The following SFSWAP variants were observed in gnomAD, a reference collection of about 807,000 sequenced individuals.
SFSWAP encodes splicing factor, suppressor of white-apricot homolog.
A neutral mutation model predicts 100.7 loss-of-function variants in SFSWAP; 17 were observed. The observed-to-expected ratio is 0.17, with a 90% CI of 0.12 to 0.25. The LOEUF is 0.25. Ranked by LOEUF, SFSWAP falls within the 10% of genes least tolerant of loss-of-function variation. The probability of loss-of-function intolerance (pLI) is 1.00; values close to 1 mark genes in which losing one functional copy is unlikely to be tolerated. For synonymous variants in SFSWAP, 504 were observed against 510.1 expected, an observed-to-expected ratio of 0.99 and a Z score of 0.16; for missense variants, 1,005 against 1,262.6, an observed-to-expected ratio of 0.80 and a Z score of 3.09.
chr12:131,755,513 C>T, intron 10 of SFSWAP, 34 bp downstream of exon 10: 1 of 1,486,328 alleles, frequency 6.7e-7, no homozygotes, highest in Non-Finnish European at 9.4e-7. Context: ...CTGTGAAGCT[C>T]TTAGAGGTGG....
chr12:131,744,907 C>A (rs1308438433), intron 7 of SFSWAP, among the ~76,000 whole-genome samples: 1 of 152,186 alleles, frequency 6.6e-6, no homozygotes, highest in African/African-American at 2.4e-5. Flanking sequence ...CAGAGAAGCT[C>A]CTGTTTTTGA....
At chr12:131,737,448 CGTG>C (rs1209616341) in intron 7 of SFSWAP, among the ~76,000 whole-genome samples, 1 of 152,192 alleles carries the variant, frequency 6.6e-6, no homozygotes, top group Non-Finnish European at 1.5e-5. Context: ...TGCAGATTGA[CGTG>C]GTACTTATTT....
chr12:131,794,847 T>G lies in SFSWAP; in HGVS notation c.2535-2331T>G, dbSNP rs1168682421. 6.6e-6 allele frequency among the ~76,000 whole-genome samples: 1 copy of G among 152,212 alleles called. No individual in the cohort carries two copies. The highest frequency in any genetic ancestry group is 1.5e-5 in the Non-Finnish European group (1 of 68,036). ...AAAAAAAAATGAATGAGTTGCTCCATTCCTTCAGCAAGGGCTTAGATCAGA... is the reference window on the plus strand; with the variant it reads ...AAAAAAAAATGAATGAGTTGCTCCAGTCCTTCAGCAAGGGCTTAGATCAGA... On this transcript the variant is annotated intron_variant, in intron 15 of 17. Coordinates refer to ENST00000261674, the MANE Select transcript of SFSWAP (RefSeq NM_004592.4). This position sits in a 1 kb window ranked among gnomAD's most constrained non-coding sequence, Gnocchi z 4.8.
chr12:131,771,896 C>G (rs1465783907), intron 13 of SFSWAP, among the ~76,000 whole-genome samples: 1 of 152,070 alleles, frequency 6.6e-6, no homozygotes, highest in African/African-American at 2.4e-5. Context: ...CTCTTGACCT[C>G]GTGATCAGCC....
At chr12:131,717,500 T>C (rs1461480291) in intron 3 of SFSWAP, among the ~76,000 whole-genome samples, 1 of 152,182 alleles carries the variant, frequency 6.6e-6, no homozygotes, top group Non-Finnish European at 1.5e-5. Flanking sequence ...GAGTTTGTAG[T>C]GCAATGGTTG....
Position 131,726,173 on chromosome 12 carries a change from T to TAC in SFSWAP, c.832+544_832+545insCA, listed in dbSNP as rs1299032287. 3.5e-5 allele frequency among the ~76,000 whole-genome samples: 5 copies of TAC among 144,862 alleles called. No individual in the cohort carries two copies. The East Asian group carries it at 1.1e-3, about 32-fold the overall frequency. The stretch of plus-strand genomic sequence containing the variant: ...AAGTCTATTCATATATATGTATATA[T>TAC]ATACACACACACACACATCTTCCAT... On this transcript the variant is annotated intron_variant, in intron 5 of 17. Coordinates refer to ENST00000261674, the MANE Select transcript of SFSWAP (RefSeq NM_004592.4).
chr12:131,777,519 G>T (rs572667049), intron 13 of SFSWAP, among the ~76,000 whole-genome samples: 1 of 152,100 alleles, frequency 6.6e-6, no homozygotes, highest in Non-Finnish European at 1.5e-5. Flanking sequence ...TATATGTGCC[G>T]CATTTTCTTA....
intron 10 of SFSWAP, 67 bp downstream of exon 10, chr12:131,755,546 C>T (rs1330212709): frequency 2.0e-5 from 23 of 1,147,996 alleles, no homozygotes; most frequent in African/African-American, 4.6e-5. Context: ...GATCAGAAGT[C>T]GCTTTCTGTT....
rs1054364004 is a variant in SFSWAP, at chr12:131,733,762, G to C, written c.1081+5334G>C. Among the ~76,000 whole-genome samples the C allele has an allele frequency of 1.6e-4, 24 of 152,092 alleles. No homozygotes were observed. Among genetic ancestry groups the C allele is most frequent in the Non-Finnish European group, 4.4e-5 (3 of 67,986 alleles). ...GCTTGGTGAGGTGGGGGACAGGCAG[G>C]GGTGGGCCCCGAGGTGTGCAGAGTG... is the stretch of plus-strand genomic sequence containing the variant. On this transcript the variant is annotated intron_variant, in intron 7 of 17. Transcript: ENST00000261674. This position sits in a 1 kb window ranked among gnomAD's most constrained non-coding sequence, Gnocchi z 5.1.
At chr12:131,769,665 C>T (rs768884613) in intron 13 of SFSWAP, among the ~76,000 whole-genome samples, 9 of 152,084 alleles carry the variant, frequency 5.9e-5, no homozygotes, top group African/African-American at 1.7e-4. Flanking sequence ...CTTGCTCTCT[C>T]GCCCAGGCTG....
rs545101856 is a variant in SFSWAP at position 131,795,929 on chromosome 12, T to C, written c.2535-1249T>C. Among the ~76,000 whole-genome samples the C allele has an allele frequency of 1.4e-3, 194 of 141,604 alleles. 1 individual carries two copies. Among genetic ancestry groups the C allele is most frequent in the South Asian group, 9.4e-3 (39 of 4,146 alleles). 92.9% of individuals were successfully genotyped at this position (141,604 alleles called of 152,430 possible). On this transcript the variant is annotated intron_variant, in intron 15 of 17. Coordinates refer to ENST00000261674, the MANE Select transcript of SFSWAP (RefSeq NM_004592.4). ...GCAGAGGGCCCCGCAGCCCTACTCC[T>C]GGGATCTGTCCTGCCCAGGCACCAG...
intron 4 of SFSWAP, among the ~76,000 whole-genome samples, chr12:131,721,934 A>T (rs1385805199): frequency 6.6e-6 from 1 of 152,174 alleles, no homozygotes; most frequent in Non-Finnish European, 1.5e-5. Context: ...TTTCATTCTC[A>T]TAATTATTAT....
chr12:131,751,618 CGTT>C (rs1260208688), intron 7 of SFSWAP, among the ~76,000 whole-genome samples: 1 of 152,272 alleles, frequency 6.6e-6, no homozygotes, highest in Non-Finnish European at 1.5e-5. Context: ...CCAGGGATGA[CGTT>C]GTCTCTTACA....
Position 131,726,952 on chromosome 12 carries a change from G to T in SFSWAP, c.845G>T (p.Ser282Ile). ...ATTTTGATTTCAGAATCAGGAGTCA[G>T]CTCTGACAATGAAGATGATGATGAT... ...KSDEKKKSGV[S>I]SDNEDDDDEE... The change falls in exon 6 of 18, where the codon AGC (serine) becomes ATC (isoleucine). Residue 282 changes from serine to isoleucine, a missense_variant. Coordinates refer to ENST00000261674, the MANE Select transcript of SFSWAP (RefSeq NM_004592.4). 6.3e-7 allele frequency: 1 copy of T among 1,591,518 alleles called. No individual in the cohort carries two copies. The highest frequency in any genetic ancestry group is 8.6e-7 in the Non-Finnish European group (1 of 1,162,660).
At chr12:131,787,833 T>C (rs1320523804) in intron 15 of SFSWAP, among the ~76,000 whole-genome samples, 1 of 152,104 alleles carries the variant, frequency 6.6e-6, no homozygotes, top group African/African-American at 2.4e-5. Flanking sequence ...GTTGGCCTAG[T>C]ACCACGGTTC....
chr12:131,758,474 T>C (rs1882380422), intron 11 of SFSWAP, among the ~76,000 whole-genome samples: 1 of 152,090 alleles, frequency 6.6e-6, no homozygotes, highest in African/African-American at 2.4e-5. Context: ...AGAAATGTCA[T>C]TGCGCCCACA....
rs1877277396 is a variant in SFSWAP, at chr12:131,711,134, A to T, written c.-96A>T. The T allele has an allele frequency of 2.0e-6, 2 of 1,009,946 alleles. No individual in the cohort carries two copies. The highest frequency in any genetic ancestry group is 2.8e-6 in the Non-Finnish European group (2 of 708,390). The allele number at this position is 1,009,946 out of a possible 1,614,324, so 62.6% of individuals were successfully genotyped here. A position where few individuals can be genotyped will look rare whatever the true frequency, so the allele number is the denominator to read the frequency against. ...CGGCGGTGTTGAGGTTGGGTACGGG[A>T]TGCGGGGTCTTTGACTGAAGGGGTA... On this transcript the variant is annotated 5_prime_UTR_variant, in exon 1 of 18. The change abolishes an upstream ATG in the 5' untranslated region. Transcript: ENST00000261674. This position sits in a 1 kb window ranked among gnomAD's most constrained non-coding sequence, Gnocchi z 4.9.
At position 131,754,375 on chromosome 12, in the gene SFSWAP, G is replaced by GC; in HGVS notation, c.1335dup (p.Val446ArgfsTer16). 1 of 1,565,068 alleles carries GC rather than the reference G, an allele frequency of 6.4e-7. No homozygotes were observed. Among genetic ancestry groups the GC allele is most frequent in the Non-Finnish European group, 8.6e-7 (1 of 1,158,408 alleles). On this transcript the variant is annotated frameshift_variant, in exon 9 of 18. Transcript: ENST00000261674. LOFTEE classifies it high-confidence loss of function. ...CAGACTCTTCTCCTGCAGTGCACTT[G>GC]CCCCCGTGGCCGCCATCATCCCCCC...
At chr12:131,751,602 C>T (rs1453100952) in intron 7 of SFSWAP, among the ~76,000 whole-genome samples, 1 of 152,286 alleles carries the variant, frequency 6.6e-6, no homozygotes, top group African/African-American at 2.4e-5. Context: ...CAGCAGCTCC[C>T]CCCTTCCAGG....
Sources: allele counts gnomAD v4.1 joint callset (sites outside exome capture counted in the v4.1 genomes callset), GRCh38; gene constraint gnomAD v4.1.1; non-coding constraint Gnocchi (gnomAD v3.1); transcripts MANE v1.5; gene names NCBI Gene and HGNC (gene_info 2026-07-23, HGNC 2026-07-21).